The following SLC39A9 variants were observed in gnomAD, a reference collection of about 807,000 sequenced individuals.
The protein encoded by SLC39A9 is zinc transporter ZIP9.
Under a neutral mutation model 28.4 loss-of-function variants are expected in SLC39A9, and 14 were observed. The observed-to-expected ratio is 0.49, with a 90% CI of 0.33 to 0.77. The LOEUF is 0.77. SLC39A9 is among the 30% of genes least tolerant of loss of function. The pLI is 0.02. For missense variants in SLC39A9, 283 were observed against 381.1 expected (o/e 0.74, Z 2.14); for synonymous variants, 119 against 149.6 (o/e 0.80, Z 1.49).
chr14:69,428,456 A>G (rs34953569), intron 2 of SLC39A9: 19,110 of 152,438 alleles, frequency 0.13, 1,318 homozygotes, highest in East Asian at 0.18. Context: ...AAGAAGACCA[A>G]CAATTAACAA....
rs569980347 is a variant in SLC39A9 at position 69,414,894 on chromosome 14, A to T, written c.97-9200A>T. On this transcript the variant is annotated intron_variant, in intron 1 of 6. Transcript: ENST00000336643. Reference sequence around the variant, plus strand: ...TTTTAAACTTCATATACATTTATTCATACAGTATATACTCCTTTGTGTAAA... The same window carrying T: ...TTTTAAACTTCATATACATTTATTCTTACAGTATATACTCCTTTGTGTAAA... Among the ~76,000 whole-genome samples the T allele has an allele frequency of 2.0e-5, 3 of 152,334 alleles. No individual in the cohort carries two copies. In the East Asian group the frequency reaches 5.8e-4, roughly 29 times the overall value.
intron 1 of SLC39A9, among the ~76,000 whole-genome samples, chr14:69,415,295 G>A (rs1883508361): frequency 6.6e-6 from 1 of 152,170 alleles, no homozygotes; most frequent in African/African-American, 2.4e-5. Context: ...ATTTAAAGTT[G>A]TCAGTCTTTT....
chr14:69,411,253 T>C (rs1252932438), intron 1 of SLC39A9, among the ~76,000 whole-genome samples: 3 of 151,670 alleles, frequency 2.0e-5, no homozygotes, highest in Non-Finnish European at 2.9e-5. Flanking sequence ...TGTTGGCTTG[T>C]CTTTAGGTGA....
chr14:69,401,506 C>T (rs1021526047), intron 1 of SLC39A9, among the ~76,000 whole-genome samples: 2 of 152,166 alleles, frequency 1.3e-5, no homozygotes, highest in African/African-American at 4.8e-5. Context: ...TTCTGATAAG[C>T]AACCAGTAAA....
rs142470415 is a variant in SLC39A9, at chr14:69,421,647, A to G, written c.97-2447A>G. On this transcript the variant is annotated intron_variant, in intron 1 of 6. Coordinates refer to ENST00000336643, the MANE Select transcript of SLC39A9 (RefSeq NM_018375.5). ...AGGCAGGCAGGCCTCCTTGAGCTGC[A>G]GTGGGCTCTACCCAGTTCGAGCTTC... 1.8e-4 allele frequency among the ~76,000 whole-genome samples: 27 copies of G among 152,296 alleles called. 1 individual carries two copies. In the East Asian group the frequency reaches 5.2e-3, roughly 29 times the overall value.
chr14:69,447,388 A>C (rs149874577), intron 3 of SLC39A9, among the ~76,000 whole-genome samples: 3 of 152,324 alleles, frequency 2.0e-5, no homozygotes, highest in Non-Finnish European at 2.9e-5. Flanking sequence ...TGCTTTCAGT[A>C]GTCAGCCCCC....
intron 1 of SLC39A9, among the ~76,000 whole-genome samples, chr14:69,419,221 A>G (rs1883748511): frequency 6.6e-6 from 1 of 152,188 alleles, no homozygotes; most frequent in South Asian, 2.1e-4. Context: ...CATTGGTTTC[A>G]AAGAACATCT....
At chr14:69,400,352 C>G (rs937578548) in intron 1 of SLC39A9, among the ~76,000 whole-genome samples, 1 of 152,152 alleles carries the variant, frequency 6.6e-6, no homozygotes, top group Non-Finnish European at 1.5e-5. Context: ...TTGATTGGCA[C>G]CTTGAACAGA....
At chr14:69,430,476 A>G in intron 2 of SLC39A9, among the ~76,000 whole-genome samples, 1 of 152,108 alleles carries the variant, frequency 6.6e-6, no homozygotes, top group East Asian at 1.9e-4. Context: ...AAAATCAATT[A>G]ACTGTGTTTG....
intron 2 of SLC39A9, among the ~76,000 whole-genome samples, chr14:69,432,077 C>T (rs1884528769): frequency 6.6e-6 from 1 of 152,144 alleles, no homozygotes; most frequent in Non-Finnish European, 1.5e-5. Flanking sequence ...GATAGATATG[C>T]AGTAACGGGA....
At chr14:69,446,941 TATATATAGAGAG>T (rs1566923053) in intron 3 of SLC39A9, among the ~76,000 whole-genome samples, 1 of 132,954 alleles carries the variant, frequency 7.5e-6, no homozygotes, top group Non-Finnish European at 1.6e-5. Context: ...TATATATATA[TATATATAGAGAG>T]AGAGAGAGAG....
At position 69,460,310 on chromosome 14, in the gene SLC39A9, T is replaced by C; in HGVS notation, c.*1717T>C. 1.0e-6 allele frequency: 1 copy of C among 985,732 alleles called. No individual in the cohort carries two copies. 61.1% of individuals were successfully genotyped at this position (985,732 alleles called of 1,614,324 possible). ...GAAATAAAGCTTGTGAGCCCTCTGC[T>C]GGCCACAGTGAGGAAAGTAGCACAA... On this transcript the variant is annotated 3_prime_UTR_variant, in exon 7 of 7. Coordinates refer to ENST00000336643, the MANE Select transcript of SLC39A9 (RefSeq NM_018375.5).
At chr14:69,447,749 A>C (rs1396114531) in intron 3 of SLC39A9, among the ~76,000 whole-genome samples, 3 of 151,828 alleles carry the variant, frequency 2.0e-5, no homozygotes, top group Non-Finnish European at 4.4e-5. Flanking sequence ...TTTTTTCTAC[A>C]AAAAAATACA....
At position 69,398,726 on chromosome 14, in the gene SLC39A9, G is replaced by A. The variant is rs1882448456; in HGVS notation, c.-644G>A. ...CCACTTGGCGGCCATGGCAGCTGTA[G>A]TATCGGCGACTCCGGGTCAAGGCCC... On this transcript the variant is annotated 5_prime_UTR_variant, in exon 1 of 7. Coordinates refer to ENST00000336643, the MANE Select transcript of SLC39A9 (RefSeq NM_018375.5). 4.4e-6 allele frequency: 1 copy of A among 226,240 alleles called. No individual in the cohort carries two copies. 14.0% of individuals were successfully genotyped at this position (226,240 alleles called of 1,614,324 possible). A position where few individuals can be genotyped will look rare whatever the true frequency, so the allele number is the denominator to read the frequency against.
At position 69,460,998 on chromosome 14, in the gene SLC39A9, A is replaced by T. The variant is rs76655591; in HGVS notation, c.*2405A>T. 5 of 985,458 alleles carry T rather than the reference A, an allele frequency of 5.1e-6. No homozygotes were observed. The highest frequency in any genetic ancestry group is 6.0e-6 in the Non-Finnish European group (5 of 830,058). 61.0% of individuals were successfully genotyped at this position (985,458 alleles called of 1,614,324 possible). ...GGTGGGCAGTATTCCAGGAGAGGCCATGTCCGTGTTCACTTCTTGGCACAT... is the reference window on the plus strand; with the variant it reads ...GGTGGGCAGTATTCCAGGAGAGGCCTTGTCCGTGTTCACTTCTTGGCACAT... On this transcript the variant is annotated 3_prime_UTR_variant, in exon 7 of 7. Transcript: ENST00000336643.
At chr14:69,439,794 T>G (rs1884955189) in intron 2 of SLC39A9, among the ~76,000 whole-genome samples, 1 of 152,146 alleles carries the variant, frequency 6.6e-6, no homozygotes, top group Admixed American at 6.5e-5. Flanking sequence ...TCTCGTCTTG[T>G]GAAATACTGA....
intron 1 of SLC39A9, among the ~76,000 whole-genome samples, chr14:69,420,066 T>C (rs539411428): frequency 6.6e-6 from 1 of 152,300 alleles, no homozygotes; most frequent in South Asian, 2.1e-4. Flanking sequence ...GCTTTGCCCG[T>C]TAGTTGGTGC....
rs575058171 is a variant in SLC39A9 at position 69,431,110 on chromosome 14, G to A, written c.205+6908G>A. On this transcript the variant is annotated intron_variant, in intron 2 of 6. Transcript: ENST00000336643. ...TTGTATTTTCCAACCCATGAGCCCA[G>A]TGTATCTCTCCATTTATTTAGATCT... Among the ~76,000 whole-genome samples, 4 of 152,228 alleles carry A rather than the reference G, an allele frequency of 2.6e-5. No individual in the cohort carries two copies. In the East Asian group the frequency reaches 7.7e-4, roughly 29 times the overall value.
intron 1 of SLC39A9, among the ~76,000 whole-genome samples, chr14:69,413,643 G>A (rs1024425398): frequency 6.6e-6 from 1 of 151,792 alleles, no homozygotes; most frequent in African/African-American, 2.4e-5. Flanking sequence ...TTATGATTTT[G>A]TTTTTTCTCT....
Sources: allele counts gnomAD v4.1 joint callset (sites outside exome capture counted in the v4.1 genomes callset), GRCh38; gene constraint gnomAD v4.1.1; transcripts MANE v1.5; gene names NCBI Gene and HGNC (gene_info 2026-07-23, HGNC 2026-07-21).